NR6A1: variants seen among roughly 807,000 people sequenced by gnomAD.
The protein encoded by NR6A1 is nuclear receptor subfamily 6 group A member 1, also known as retinoic acid receptor-related testis-associated receptor.
A neutral mutation model predicts 59.1 loss-of-function variants in NR6A1; 7 were observed. That is an observed-to-expected ratio of 0.12 (90% CI 0.07 to 0.22). NR6A1 has a LOEUF of 0.22. Among genes scored for constraint, NR6A1 ranks in the 10% least tolerant of loss-of-function variants. The pLI is 1.00. For missense variants in NR6A1, 468 were observed against 611.6 expected (o/e 0.77, Z 2.48); for synonymous variants, 243 against 236.1 (o/e 1.03, Z -0.27).
At chr9:124,736,544 G>A (rs565794210) in intron 1 of NR6A1, among the ~76,000 whole-genome samples, 3 of 152,228 alleles carry the variant, frequency 2.0e-5, no homozygotes, top group African/African-American at 7.2e-5. Context: ...TTATGGGGAT[G>A]TCAAAAGAAT....
intron 3 of NR6A1, among the ~76,000 whole-genome samples, chr9:124,545,224 G>T (rs552354492): frequency 4.2e-4 from 64 of 152,318 alleles, no homozygotes; most frequent in African/African-American, 1.5e-3. Context: ...AATGAAAAGA[G>T]AAAATACTGG....
chr9:124,534,106 CTT>C (rs1410802705), intron 7 of NR6A1, among the ~76,000 whole-genome samples: 3 of 140,892 alleles, frequency 2.1e-5, no homozygotes, highest in South Asian at 2.2e-4. Flanking sequence ...GAGTTTCGCT[CTT>C]GTCGCCCAGG....
chr9:124,649,901 T>A (rs568585746), intron 2 of NR6A1, among the ~76,000 whole-genome samples: 1 of 152,172 alleles, frequency 6.6e-6, no homozygotes, highest in African/African-American at 2.4e-5. Context: ...TACAAGATAT[T>A]ATCTCACCCC....
At chr9:124,602,377 A>C (rs914159194) in intron 2 of NR6A1, among the ~76,000 whole-genome samples, 1 of 152,230 alleles carries the variant, frequency 6.6e-6, no homozygotes, top group Admixed American at 6.5e-5. Flanking sequence ...CTCAAGACCC[A>C]GATTGGCCCA....
At chr9:124,740,302 G>A (rs1840140018) in intron 1 of NR6A1, among the ~76,000 whole-genome samples, 2 of 152,164 alleles carry the variant, frequency 1.3e-5, no homozygotes, top group South Asian at 4.1e-4. Flanking sequence ...CAACATGGCT[G>A]AAACTATAGT....
At chr9:124,557,000 T>G (rs993720876) in intron 2 of NR6A1, among the ~76,000 whole-genome samples, 4 of 152,070 alleles carry the variant, frequency 2.6e-5, no homozygotes, top group Admixed American at 2.6e-4. Flanking sequence ...ACGACAGATA[T>G]GGAAAGACTG....
chr9:124,582,432 G>A (rs1177463064), intron 2 of NR6A1, among the ~76,000 whole-genome samples: 1 of 152,166 alleles, frequency 6.6e-6, no homozygotes, highest in African/African-American at 2.4e-5. Flanking sequence ...GAGGGTGGGA[G>A]GAGGGAGAGG....
chr9:124,632,768 CA>C (rs1186627348), intron 2 of NR6A1, among the ~76,000 whole-genome samples: 2 of 152,146 alleles, frequency 1.3e-5, no homozygotes, highest in Non-Finnish European at 2.9e-5. Flanking sequence ...CTCTCCCTTC[CA>C]AGTTATTTAA....
intron 1 of NR6A1, among the ~76,000 whole-genome samples, chr9:124,756,337 A>C (rs1197501079): frequency 6.6e-6 from 1 of 152,292 alleles, no homozygotes; most frequent in South Asian, 2.1e-4. Context: ...GCATTATAAA[A>C]CCTATCTTGG....
chr9:124,722,602 CTTTTTATCTTGCCTAT>C (rs968664768), intron 2 of NR6A1, among the ~76,000 whole-genome samples: 21 of 152,178 alleles, frequency 1.4e-4, no homozygotes, highest in African/African-American at 4.8e-4. Flanking sequence ...GCCAGGCTTT[CTTTTTATCTTGCCTAT>C]TTTTTATCTT....
At chr9:124,663,011 T>A (rs754674073) in intron 2 of NR6A1, among the ~76,000 whole-genome samples, 2 of 152,238 alleles carry the variant, frequency 1.3e-5, no homozygotes. Context: ...CTTGCTGAGA[T>A]GACAGAAGCA....
chr9:124,703,207 A>ATTTTTTT (rs80014383), intron 2 of NR6A1, among the ~76,000 whole-genome samples: 7 of 104,560 alleles, frequency 6.7e-5, no homozygotes, highest in African/African-American at 1.6e-4. Context: ...ACACGGCCAC[A>ATTTTTTT]TTTTTTTTTT....
chr9:124,713,898 A>G lies in NR6A1; in HGVS notation c.142+19410T>C, dbSNP rs188094043. On this transcript the variant is annotated intron_variant, in intron 2 of 9. Coordinates refer to ENST00000487099, the MANE Select transcript of NR6A1 (RefSeq NM_033334.4). The stretch of plus-strand genomic sequence containing the variant: ...AATTCCACTTCCAGGTATACACCCC[A>G]AAGAATTGAAAGTAGGGACTTGAAG... Among the ~76,000 whole-genome samples, 39 of 152,360 alleles carry G rather than the reference A, an allele frequency of 2.6e-4. No homozygotes were observed. The East Asian group carries it at 6.6e-3, about 26-fold the overall frequency.
At chr9:124,619,950 A>G (rs1836016154) in intron 2 of NR6A1, among the ~76,000 whole-genome samples, 1 of 152,142 alleles carries the variant, frequency 6.6e-6, no homozygotes, top group African/African-American at 2.4e-5. Context: ...AATCCCAGCT[A>G]CTTGGGAGGC....
intron 2 of NR6A1, among the ~76,000 whole-genome samples, chr9:124,592,722 G>C (rs1017277041): frequency 2.6e-5 from 4 of 152,124 alleles, no homozygotes; most frequent in African/African-American, 7.2e-5. Flanking sequence ...CCACATTATG[G>C]ACCCCCAGTT....
intron 1 of NR6A1, among the ~76,000 whole-genome samples, chr9:124,749,646 C>T (rs1041505141): frequency 8.5e-5 from 13 of 152,052 alleles, no homozygotes; most frequent in African/African-American, 1.4e-4. Flanking sequence ...ACTCCAGCCT[C>T]GAACTTCTGA....
intron 2 of NR6A1, among the ~76,000 whole-genome samples, chr9:124,657,261 T>C (rs1326627475): frequency 1.3e-5 from 2 of 152,082 alleles, no homozygotes; most frequent in Admixed American, 1.3e-4. Flanking sequence ...ATAGTCAACA[T>C]CTAAAAAATT....
At chr9:124,609,936 T>C (rs926997539) in intron 2 of NR6A1, among the ~76,000 whole-genome samples, 11 of 152,240 alleles carry the variant, frequency 7.2e-5, no homozygotes, top group Admixed American at 3.3e-4. Flanking sequence ...ATAGGAATGC[T>C]TGTGATTTTT....
chr9:124,586,287 G>T (rs1834931921), intron 2 of NR6A1, among the ~76,000 whole-genome samples: 1 of 152,170 alleles, frequency 6.6e-6, no homozygotes, highest in South Asian at 2.1e-4. Flanking sequence ...CAAAATATCA[G>T]TATTAACAGG....
Sources: gnomAD v4.1 joint callset for allele counts (sites outside exome capture counted in the v4.1 genomes callset) on GRCh38, gnomAD v4.1.1 for gene constraint, MANE v1.5 for transcripts, NCBI Gene and HGNC (gene_info 2026-07-23, HGNC 2026-07-21) for gene names.